PLPPR1: variants seen among roughly 807,000 people sequenced by gnomAD.
The protein encoded by PLPPR1 is phospholipid phosphatase-related protein type 1.
In PLPPR1, 10 loss-of-function variants were observed where a neutral mutation model predicts 33.1. The observed-to-expected ratio is 0.30, with a 90% CI of 0.19 to 0.51. The LOEUF is 0.51. PLPPR1 is among the 20% of genes least tolerant of loss of function. The probability of loss-of-function intolerance (pLI) is 0.97; values close to 1 mark genes in which losing one functional copy is unlikely to be tolerated. For synonymous variants in PLPPR1, 151 were observed against 151.0 expected (o/e 1.00, Z 0.00); for missense variants, 304 against 408.1 (o/e 0.74, Z 2.20).
rs1829207927 is a variant in PLPPR1 at position 101,324,144 on chromosome 9, A to T, written c.*87A>T. The T allele has an allele frequency of 5.4e-6, 6 of 1,101,956 alleles. No individual in the cohort carries two copies. Among genetic ancestry groups the T allele is most frequent in the Middle Eastern group, 2.0e-4 (1 of 4,958 alleles). 68.3% of individuals were successfully genotyped at this position (1,101,956 alleles called of 1,614,324 possible). Reference sequence around the variant, plus strand: ...CACAGTTGCTCAATGTCAAACTGTGATGACAAATATTACGTTTATCTAGTT... The same window carrying T: ...CACAGTTGCTCAATGTCAAACTGTGTTGACAAATATTACGTTTATCTAGTT... On this transcript the variant is annotated 3_prime_UTR_variant, in exon 8 of 8. Coordinates refer to ENST00000374874, the MANE Select transcript of PLPPR1 (RefSeq NM_207299.2).
chr9:101,046,902 T>C (rs1830157707), intron 1 of PLPPR1, among the ~76,000 whole-genome samples: 1 of 152,206 alleles, frequency 6.6e-6, no homozygotes. Context: ...TCACTGTTAG[T>C]ATATGGCCTT....
At chr9:101,183,691 TTGTGTGTGTGTGTGTG>T (rs66895172) in intron 1 of PLPPR1, among the ~76,000 whole-genome samples, 87 of 150,254 alleles carry the variant, frequency 5.8e-4, no homozygotes, top group Middle Eastern at 6.8e-3. Context: ...TCCCGTCTCT[TTGTGTGTGTGTGTGTG>T]TGTGTGTGTG....
At chr9:101,304,890 G>A (rs1431904006) in intron 4 of PLPPR1, among the ~76,000 whole-genome samples, 3 of 152,256 alleles carry the variant, frequency 2.0e-5, no homozygotes, top group East Asian at 3.9e-4. Context: ...TCCAGAACAC[G>A]TGGATCTAGT....
intron 2 of PLPPR1, among the ~76,000 whole-genome samples, chr9:101,260,967 C>T (rs796875835): frequency 3.9e-5 from 6 of 152,068 alleles, no homozygotes; most frequent in African/African-American, 1.2e-4. Flanking sequence ...TACTATCACC[C>T]CAAAGTAAAA....
chr9:101,252,586 T>C (rs970249355), intron 2 of PLPPR1, among the ~76,000 whole-genome samples: 5 of 152,164 alleles, frequency 3.3e-5, no homozygotes, highest in Admixed American at 6.6e-5. Flanking sequence ...TCTGAGTCTC[T>C]TTGCAACATT....
At chr9:101,246,071 T>TAG (rs1270609514) in intron 2 of PLPPR1, among the ~76,000 whole-genome samples, 8 of 80,928 alleles carry the variant, frequency 9.9e-5, no homozygotes, top group African/African-American at 2.5e-4. Flanking sequence ...TATATATATA[T>TAG]ATATATATAT....
At chr9:101,220,173 A>G (rs1275451145) in intron 2 of PLPPR1, among the ~76,000 whole-genome samples, 11 of 152,192 alleles carry the variant, frequency 7.2e-5, no homozygotes, top group Non-Finnish European at 1.0e-4. Context: ...TAACAACCCA[A>G]AATGTCTCCA....
chr9:101,048,075 A>G (rs749080881), intron 1 of PLPPR1, among the ~76,000 whole-genome samples: 2 of 152,198 alleles, frequency 1.3e-5, no homozygotes, highest in Non-Finnish European at 2.9e-5. Flanking sequence ...TGACTGAGTG[A>G]ATCACCTGCT....
chr9:101,072,693 T>C (rs10989374), intron 1 of PLPPR1, among the ~76,000 whole-genome samples: 5,923 of 152,192 alleles, frequency 0.039, 175 homozygotes, highest in East Asian at 0.082. Context: ...TCAAATAAAA[T>C]TGCTGCCAAG....
intron 4 of PLPPR1, among the ~76,000 whole-genome samples, chr9:101,291,313 A>C (rs1828501489): frequency 6.6e-6 from 1 of 152,236 alleles, no homozygotes; most frequent in Admixed American, 6.5e-5. Context: ...AGCCCACCAC[A>C]GCTCACAGAG....
chr9:101,150,001 A>G (rs1047822950), intron 1 of PLPPR1, among the ~76,000 whole-genome samples: 1 of 151,910 alleles, frequency 6.6e-6, no homozygotes, highest in African/African-American at 2.4e-5. Flanking sequence ...AACTTGTTTT[A>G]TGTCATTTCT....
At chr9:101,190,833 C>T (rs974888183) in intron 2 of PLPPR1, among the ~76,000 whole-genome samples, 1 of 152,064 alleles carries the variant, frequency 6.6e-6, no homozygotes, top group Non-Finnish European at 1.5e-5. Flanking sequence ...TTGTAGATTA[C>T]AAGAGCACCT....
chr9:101,152,712 T>A (rs1831606558), intron 1 of PLPPR1, among the ~76,000 whole-genome samples: 1 of 111,356 alleles, frequency 9.0e-6, no homozygotes, highest in Non-Finnish European at 2.0e-5. Flanking sequence ...TGGTGGTAGA[T>A]GTGTGGTATT....
At chr9:101,081,486 C>A (rs528576031) in intron 1 of PLPPR1, among the ~76,000 whole-genome samples, 56 of 152,298 alleles carry the variant, frequency 3.7e-4, no homozygotes, top group Non-Finnish European at 5.7e-4. Flanking sequence ...AGCCACCATG[C>A]CCGGCCAATG....
chr9:101,298,581 A>T (rs1828690772), intron 4 of PLPPR1, among the ~76,000 whole-genome samples: 1 of 152,180 alleles, frequency 6.6e-6, no homozygotes, highest in Admixed American at 6.6e-5. Flanking sequence ...ATTTGATTCA[A>T]TTAGTCTATT....
At chr9:101,060,213 C>A (rs1006540395) in intron 1 of PLPPR1, among the ~76,000 whole-genome samples, 8 of 151,884 alleles carry the variant, frequency 5.3e-5, no homozygotes, top group Non-Finnish European at 1.2e-4. Flanking sequence ...GTGAAATAAG[C>A]CAGAAACAGA....
At chr9:101,054,789 C>T (rs550102904) in intron 1 of PLPPR1, among the ~76,000 whole-genome samples, 6 of 152,254 alleles carry the variant, frequency 3.9e-5, no homozygotes, top group South Asian at 2.1e-4. Flanking sequence ...TCCACTATGC[C>T]GCAAAACCTC....
chr9:101,181,610 G>GTA (rs1380195823), intron 1 of PLPPR1, among the ~76,000 whole-genome samples: 1 of 120,348 alleles, frequency 8.3e-6, no homozygotes, highest in African/African-American at 3.0e-5. Flanking sequence ...GTATATGTAT[G>GTA]TGTGTGTGTG....
At chr9:101,062,150 G>GT (rs1491305066) in intron 1 of PLPPR1, among the ~76,000 whole-genome samples, 2 of 6,452 alleles carry the variant, frequency 3.1e-4, no homozygotes, top group African/African-American at 1.4e-3. Flanking sequence ...ACAAAATGTG[G>GT]TGTGTGTGTG....
Sources: allele counts gnomAD v4.1 joint callset (sites outside exome capture counted in the v4.1 genomes callset), GRCh38; gene constraint gnomAD v4.1.1; transcripts MANE v1.5; gene names NCBI Gene and HGNC (gene_info 2026-07-23, HGNC 2026-07-21).